The following MGAM variants were observed in gnomAD, a reference collection of about 807,000 sequenced individuals.
MGAM encodes the protein maltase-glucoamylase, also known as alpha-1,4-glucosidase.
Under a neutral mutation model 358.8 loss-of-function variants are expected in MGAM, and 253 were observed. The observed-to-expected ratio is 0.71, with a 90% CI of 0.64 to 0.78. The LOEUF (loss-of-function observed/expected upper bound fraction) is 0.78, where lower values mean the gene tolerates loss of function less well. Ranked by LOEUF, MGAM falls within the 30% of genes least tolerant of loss-of-function variation. MGAM has a pLI of 0.00. For missense variants in MGAM, 3,080 were observed against 3,432.6 expected, an observed-to-expected ratio of 0.90 and a Z score of 2.57; for synonymous variants, 1,105 against 1,227.1, an observed-to-expected ratio of 0.90 and a Z score of 2.08.
chr7:141,991,223 C>T (rs1332977416), upstream of MGAM, among the ~76,000 whole-genome samples: 1 of 152,140 alleles, frequency 6.6e-6, no homozygotes, highest in African/African-American at 2.4e-5. Flanking sequence ...GGCCACAGTA[C>T]GCACTCTGTA....
At chr7:141,991,313 G>A (rs539991817), upstream of MGAM, among the ~76,000 whole-genome samples, 1 of 152,306 alleles carries the variant, frequency 6.6e-6, no homozygotes, top group South Asian at 2.1e-4. Flanking sequence ...TTGTGTGGAG[G>A]AAGTGGTTAT....
intron 9 of MGAM, 36 bp from the exon 10 acceptor site, chr7:142,027,574 G>C (rs781987276): frequency 6.2e-7 from 1 of 1,610,346 alleles, no homozygotes; most frequent in Non-Finnish European, 8.5e-7. Flanking sequence ...TAAAAACAGA[G>C]TATTTGCTAA....
At chr7:142,088,833 C>CTATG (rs1327952451) in intron 57 of MGAM, among the ~76,000 whole-genome samples, 1 of 132,168 alleles carries the variant, frequency 7.6e-6, no homozygotes, top group East Asian at 2.2e-4. Context: ...ATCTATCTAT[C>CTATG]TATCTATCTA....
intron 15 of MGAM, 116 bp from the exon 16 acceptor site, chr7:142,034,554 A>G (rs1243460206): frequency 9.7e-7 from 1 of 1,035,638 alleles, no homozygotes; most frequent in African/African-American, 1.6e-5. Flanking sequence ...GTACCGAAAG[A>G]GAGTTGGAAG....
chr7:142,043,872 C>A (rs2099433673), intron 21 of MGAM, among the ~76,000 whole-genome samples: 1 of 113,164 alleles, frequency 8.8e-6, no homozygotes, highest in Admixed American at 1.2e-4. Flanking sequence ...ACATTATATA[C>A]ACATACGACG....
At chr7:142,104,838 T>C (rs150790472) in intron 70 of MGAM, among the ~76,000 whole-genome samples, 1 of 152,310 alleles carries the variant, frequency 6.6e-6, no homozygotes, top group Non-Finnish European at 1.5e-5. Flanking sequence ...ATCATCCCGA[T>C]GGTAAATGAA....
rs1424577709 is a variant in MGAM, at chr7:142,090,036, A to G, written c.6811-1877A>G. The stretch of plus-strand genomic sequence containing the variant: ...AAGTCTGATGGGATCTAGGAATTGC[A>G]TTTTGTAGCATGCAATGTGCCACAA... On this transcript the variant is annotated intron_variant, in intron 57 of 70. Coordinates refer to ENST00000475668, the MANE Select transcript of MGAM (RefSeq NM_001365693.1). 2.1e-5 allele frequency among the ~76,000 whole-genome samples: 3 copies of G among 145,708 alleles called. 1 individual carries two copies. The highest frequency in any genetic ancestry group is 7.3e-5 in the African/African-American group (3 of 41,032).
At chr7:142,048,458 CTTTTTAT>C (rs1810612269) in intron 22 of MGAM, among the ~76,000 whole-genome samples, 1 of 78,184 alleles carries the variant, frequency 1.3e-5, no homozygotes, top group Admixed American at 1.6e-4. Context: ...AATAGGCTCT[CTTTTTAT>C]TGTCAATGGG....
chr7:142,022,240 C>A, intron 6 of MGAM, 28 bp from the exon 7 acceptor site: 1 of 1,573,760 alleles, frequency 6.4e-7, no homozygotes, highest in Non-Finnish European at 8.6e-7. Flanking sequence ...CTTGCTCACC[C>A]ATCCTTGTGT....
chr7:142,081,988 G>C (rs1814338662), intron 50 of MGAM, 54 bp from the exon 51 acceptor site: 1 of 1,503,448 alleles, frequency 6.7e-7, no homozygotes, highest in Non-Finnish European at 9.2e-7. Context: ...TCAGCTGCTG[G>C]AAGCAGAGAG....
intron 21 of MGAM, among the ~76,000 whole-genome samples, chr7:142,041,364 C>T (rs551019708): frequency 6.6e-6 from 1 of 152,174 alleles, no homozygotes; most frequent in East Asian, 1.9e-4. Context: ...AGAAACCTGT[C>T]TTTTCTTTTG....
intron 1 of MGAM, chr7:142,004,498 T>C (rs1233986750): frequency 1.3e-5 from 2 of 151,976 alleles, no homozygotes; most frequent in African/African-American, 4.8e-5. Context: ...AGTGAGTATA[T>C]ATGGACATAC....
chr7:142,006,287 C>T (rs1212127691), intron 2 of MGAM, among the ~76,000 whole-genome samples: 2 of 151,984 alleles, frequency 1.3e-5, no homozygotes, highest in African/African-American at 2.4e-5. Context: ...AGGTGGATTT[C>T]CCATCAAAAC....
At chr7:141,995,967 G>C (rs966978211) in intron 1 of MGAM, 37 bp downstream of exon 1, 39 of 152,198 alleles carry the variant, frequency 2.6e-4, no homozygotes, top group African/African-American at 9.4e-4. Context: ...TACGGTTACA[G>C]ATGTGTGTCT....
intron 32 of MGAM, 36 bp from the exon 33 acceptor site, chr7:142,059,820 T>C (rs758609451): frequency 6.3e-7 from 1 of 1,589,046 alleles, no homozygotes; most frequent in East Asian, 2.3e-5. Context: ...ATTCTCTGGC[T>C]TTGGTTTTCC....
At chr7:142,039,030 G>A (rs1396153822) in intron 19 of MGAM, among the ~76,000 whole-genome samples, 4 of 151,938 alleles carry the variant, frequency 2.6e-5, no homozygotes, top group African/African-American at 9.7e-5. Flanking sequence ...CAGTCATGGA[G>A]GAAGGTGAAG....
At chr7:142,083,461 G>T in intron 53 of MGAM, 48 bp downstream of exon 53, 1 of 1,312,964 alleles carries the variant, frequency 7.6e-7, no homozygotes. Flanking sequence ...AGCACATTCT[G>T]GGTGCCAGAG....
At position 142,067,332 on chromosome 7, in the gene MGAM, C is replaced by T. The variant is rs1490085365; in HGVS notation, c.4920-9C>T. 6.6e-7 allele frequency: 1 copy of T among 1,505,660 alleles called. No individual in the cohort carries two copies. Among genetic ancestry groups the T allele is most frequent in the African/African-American group, 1.3e-5 (1 of 74,144 alleles). The allele number at this position is 1,505,660 out of a possible 1,614,324, so 93.3% of individuals were successfully genotyped here. A position where few individuals can be genotyped will look rare whatever the true frequency, so the allele number is the denominator to read the frequency against. On this transcript the variant is annotated splice_polypyrimidine_tract_variant and intron_variant, in intron 41 of 70. Transcript: ENST00000475668. ...GGGCTCTGTTGGGCACCTTCATTTC[C>T]CTTTCCAGGTTTGTGTCAGACCAGG... is the stretch of plus-strand genomic sequence containing the variant.
At chr7:142,100,194 T>C (rs1383895220) in intron 67 of MGAM, among the ~76,000 whole-genome samples, 1 of 152,208 alleles carries the variant, frequency 6.6e-6, no homozygotes, top group Non-Finnish European at 1.5e-5. Context: ...ACTATATGAA[T>C]ATGGGCATTT....
Sources: gnomAD v4.1 joint callset for allele counts (sites outside exome capture counted in the v4.1 genomes callset) on GRCh38, gnomAD v4.1.1 for gene constraint, MANE v1.5 for transcripts, NCBI Gene and HGNC (gene_info 2026-07-23, HGNC 2026-07-21) for gene names.